Variants in DHRSX observed in about 807,000 individuals in gnomAD.
DHRSX encodes the protein dehydrogenase/reductase X-linked.
DHRSX carries 31 observed loss-of-function variants against 34.0 expected under a neutral mutation model. That is an observed-to-expected ratio of 0.91 (90% CI 0.69 to 1.23). The LOEUF (loss-of-function observed/expected upper bound fraction) is 1.23. DHRSX is among the 50% of genes most tolerant of loss of function. The pLI is 0.00. For synonymous variants in DHRSX, 201 were observed against 183.8 expected (o/e 1.09, Z -0.76); for missense variants, 414 against 428.1 (o/e 0.97, Z 0.29).
chrX:2,229,938 T>C (rs1253929223), intron 6 of DHRSX, among the ~76,000 whole-genome samples: 1 of 152,186 alleles, frequency 6.6e-6, no homozygotes, highest in African/African-American at 2.4e-5. Context: ...AATGCACATG[T>C]GAATATGTGC....
intron 1 of DHRSX, among the ~76,000 whole-genome samples, chrX:2,449,048 G>A (rs1285146345): frequency 2.0e-5 from 3 of 152,066 alleles, no homozygotes; most frequent in Non-Finnish European, 2.9e-5. Context: ...AATTAGCTGG[G>A]TGTGGTGGCG....
chrX:2,339,886 T>C (rs771051259), intron 3 of DHRSX, among the ~76,000 whole-genome samples: 1 of 152,232 alleles, frequency 6.6e-6, no homozygotes, highest in South Asian at 2.1e-4. Flanking sequence ...ATATACTCAG[T>C]CATGTGATTA....
At chrX:2,378,891 C>T (rs1316950606) in intron 3 of DHRSX, among the ~76,000 whole-genome samples, 4 of 152,142 alleles carry the variant, frequency 2.6e-5, no homozygotes, top group Admixed American at 1.3e-4. Flanking sequence ...AGGCTGGTCA[C>T]GAACTCCCAA....
Position 2,299,014 on chromosome X carries a change from A to AAAAAAAAAT in DHRSX, c.287-7412_287-7411insATTTTTTTT, listed in dbSNP as rs1191716751. Among the ~76,000 whole-genome samples the AAAAAAAAAT allele has an allele frequency of 4.2e-4, 55 of 131,574 alleles. 7 individuals are homozygous for AAAAAAAAAT. The highest frequency in any genetic ancestry group is 1.5e-3 in the African/African-American group (48 of 32,402). 86.3% of individuals were successfully genotyped at this position (131,574 alleles called of 152,430 possible). On this transcript the variant is annotated intron_variant, in intron 3 of 6. Coordinates refer to ENST00000334651, the MANE Select transcript of DHRSX (RefSeq NM_145177.3). ...AAAAAAAAAAAAAAAAAAAAAAAAA[A>AAAAAAAAAT]TGGGAAAAATGTGGAAGGATTCCTT... is the stretch of plus-strand genomic sequence containing the variant.
intron 1 of DHRSX, among the ~76,000 whole-genome samples, chrX:2,457,401 C>A (rs2044315504): frequency 1.3e-5 from 2 of 150,166 alleles, no homozygotes; most frequent in East Asian, 2.0e-4. Context: ...GCGCAAGGGA[C>A]CTCTGCTGTG....
At chrX:2,432,826 C>G (rs144983902) in intron 1 of DHRSX, among the ~76,000 whole-genome samples, 165 of 152,210 alleles carry the variant, frequency 1.1e-3, no homozygotes, top group African/African-American at 3.7e-3. Context: ...ATTTAAAAAA[C>G]TACTTGTTTA....
At chrX:2,372,858 G>T (rs1011922595) in intron 3 of DHRSX, among the ~76,000 whole-genome samples, 1 of 151,972 alleles carries the variant, frequency 6.6e-6, no homozygotes, top group Non-Finnish European at 1.5e-5. Flanking sequence ...GTGATCCGCC[G>T]GTCTCGGCCT....
chrX:2,499,504 G>A (rs2045359994), intron 1 of DHRSX, among the ~76,000 whole-genome samples: 2 of 152,192 alleles, frequency 1.3e-5, no homozygotes, highest in African/African-American at 4.8e-5. Flanking sequence ...GCACAGTGGC[G>A]CTCTGTCTGT....
chrX:2,373,718 C>T (rs1205899288), intron 3 of DHRSX, among the ~76,000 whole-genome samples: 1 of 152,070 alleles, frequency 6.6e-6, no homozygotes, highest in Admixed American at 6.5e-5. Context: ...AGGGCCCCTG[C>T]GTACCTGACG....
intron 1 of DHRSX, among the ~76,000 whole-genome samples, chrX:2,497,186 G>C (rs2045306796): frequency 6.6e-6 from 1 of 152,142 alleles, no homozygotes. Context: ...CCTGAGGTCA[G>C]GAGTTTGAGA....
At chrX:2,400,840 T>C (rs2124630945) in intron 3 of DHRSX, among the ~76,000 whole-genome samples, 1 of 152,342 alleles carries the variant, frequency 6.6e-6, no homozygotes, top group South Asian at 2.1e-4. Context: ...GTATTCTGTT[T>C]TCATGATAAA....
intron 3 of DHRSX, chrX:2,336,296 C>G (rs1345855929): frequency 1.3e-5 from 2 of 152,212 alleles, no homozygotes; most frequent in African/African-American, 4.8e-5. Flanking sequence ...GCGTGAGCCA[C>G]CACGCCAGAC....
At chrX:2,482,739 G>C (rs1463345272) in intron 1 of DHRSX, among the ~76,000 whole-genome samples, 4 of 152,138 alleles carry the variant, frequency 2.6e-5, no homozygotes, top group Non-Finnish European at 5.9e-5. Flanking sequence ...CTGCCTATTT[G>C]ATACGTTCTC....
chrX:2,251,700 A>T (rs746280295), intron 5 of DHRSX, among the ~76,000 whole-genome samples: 4 of 152,284 alleles, frequency 2.6e-5, no homozygotes, highest in Admixed American at 2.6e-4. Flanking sequence ...TTAATGTTCA[A>T]GTGCTATTTC....
intron 6 of DHRSX, among the ~76,000 whole-genome samples, chrX:2,231,233 ACAGACATACC>A (rs886319381): frequency 2.3e-4 from 35 of 152,234 alleles, no homozygotes; most frequent in African/African-American, 8.2e-4. Context: ...AGAGTCCATC[ACAGACATACC>A]CTGTGGAAAG....
intron 3 of DHRSX, among the ~76,000 whole-genome samples, chrX:2,330,484 G>A (rs192765507): frequency 7.0e-6 from 1 of 143,132 alleles, no homozygotes; most frequent in African/African-American, 2.6e-5. Context: ...TCGCGCCACG[G>A]CACTCCAGCC....
chrX:2,318,915 C>G (rs2042272903), intron 3 of DHRSX, among the ~76,000 whole-genome samples: 1 of 152,098 alleles, frequency 6.6e-6, no homozygotes, highest in Non-Finnish European at 1.5e-5. Flanking sequence ...GACCCCTTTC[C>G]AGTAAACAAC....
At chrX:2,365,594 C>G (rs1248901906) in intron 3 of DHRSX, among the ~76,000 whole-genome samples, 1 of 152,094 alleles carries the variant, frequency 6.6e-6, no homozygotes, top group African/African-American at 2.4e-5. Flanking sequence ...TTGGGGCTAC[C>G]AAGCTCTGAA....
intron 1 of DHRSX, among the ~76,000 whole-genome samples, chrX:2,440,188 T>C (rs961434271): frequency 6.6e-6 from 1 of 152,110 alleles, no homozygotes; most frequent in Admixed American, 6.5e-5. Flanking sequence ...GTCTGTCTTC[T>C]TATTTGTTCT....
Sources: allele counts gnomAD v4.1 joint callset (sites outside exome capture counted in the v4.1 genomes callset), GRCh38; gene constraint gnomAD v4.1.1; transcripts MANE v1.5; gene names NCBI Gene and HGNC (gene_info 2026-07-23, HGNC 2026-07-21).